KANSL1: variants seen among roughly 807,000 people sequenced by gnomAD.
KANSL1 encodes MLL1/MLL complex subunit KANSL1.
Under a neutral mutation model 103.6 loss-of-function variants are expected in KANSL1, and 22 were observed. That is an observed-to-expected ratio of 0.21 (90% confidence interval 0.15 to 0.30). The LOEUF (loss-of-function observed/expected upper bound fraction) is 0.30. Ranked by LOEUF, KANSL1 falls within the 10% of genes least tolerant of loss-of-function variation. KANSL1 has a pLI of 1.00. For synonymous variants in KANSL1, 600 were observed against 527.6 expected (o/e 1.14, Z -1.88); for missense variants, 1,337 against 1,399.8 (o/e 0.96, Z 0.72).
intron 10 of KANSL1, chr17:46,035,846 T>C (rs759762348): frequency 2.7e-5 from 4 of 147,440 alleles, no homozygotes; most frequent in Non-Finnish European, 6.2e-5. Context: ...GGTTGTGGGA[T>C]GGTTCAACGG....
intron 2 of KANSL1, among the ~76,000 whole-genome samples, chr17:46,135,893 C>G (rs1288314015): frequency 6.6e-6 from 1 of 152,016 alleles, no homozygotes; most frequent in Non-Finnish European, 1.5e-5. Context: ...GTAGAGCAAA[C>G]TAGGCTCTAT....
upstream of KANSL1, among the ~76,000 whole-genome samples, chr17:46,195,344 A>G (rs969266087): frequency 9.2e-5 from 14 of 152,270 alleles, no homozygotes; most frequent in African/African-American, 3.4e-4. Context: ...CAACCAAATA[A>G]GCAAGATTAT....
chr17:46,076,495 C>CAA (rs36086421), intron 4 of KANSL1, among the ~76,000 whole-genome samples: 50 of 79,484 alleles, frequency 6.3e-4, no homozygotes, highest in Non-Finnish European at 8.1e-4. Flanking sequence ...GACTTCATCT[C>CAA]AAAAAAAAAA....
intron 14 of KANSL1, 59 bp downstream of exon 14, chr17:46,031,988 C>T (rs2146304656): frequency 1.2e-6 from 2 of 1,610,142 alleles, no homozygotes; most frequent in Non-Finnish European, 8.5e-7. Context: ...GCAGATGCTG[C>T]CCCTTCCTGG....
intron 2 of KANSL1, among the ~76,000 whole-genome samples, chr17:46,146,262 G>A (rs1291383187): frequency 2.0e-5 from 3 of 152,100 alleles, no homozygotes; most frequent in African/African-American, 7.2e-5. Context: ...GAACTTTCAC[G>A]CACTCATTTG....
chr17:46,104,250 T>A (rs979342575), intron 2 of KANSL1, among the ~76,000 whole-genome samples: 26 of 152,240 alleles, frequency 1.7e-4, no homozygotes, highest in African/African-American at 6.0e-4. Context: ...ATACATATTA[T>A]ATACTCTGCC....
chr17:46,033,522 A>T lies in KANSL1; in HGVS notation c.2667-62T>A, dbSNP rs77009866. The T allele has an allele frequency of 0.18, 253,101 of 1,376,574 alleles. 26,844 individuals carry two copies. The highest frequency in any genetic ancestry group is 0.22 in the Non-Finnish European group (212,606 of 964,534). The allele number at this position is 1,376,574 out of a possible 1,614,324, so 85.3% of individuals were successfully genotyped here. ...GCAGGCTAAAACTGGGGGCAGGGTCAAAGTGTCCATGCAAGGATGAGAATC... is the reference window on the plus strand; with the variant it reads ...GCAGGCTAAAACTGGGGGCAGGGTCTAAGTGTCCATGCAAGGATGAGAATC... On this transcript the variant is annotated intron_variant, in intron 11 of 14. Coordinates refer to ENST00000432791, the MANE Select transcript of KANSL1 (RefSeq NM_015443.4).
chr17:46,084,697 T>TAAAAAAAAAAAAAAAAAA (rs67108405), intron 3 of KANSL1, among the ~76,000 whole-genome samples: 8 of 74,486 alleles, frequency 1.1e-4, no homozygotes, highest in African/African-American at 4.5e-4. Flanking sequence ...TTTTAAAAAT[T>TAAAAAAAAAAAAAAAAAA]AAAAAAAAAA....
intron 10 of KANSL1, 117 bp from the exon 11 acceptor site, chr17:46,034,402 CTGA>C: frequency 8.8e-7 from 1 of 1,132,260 alleles, no homozygotes; most frequent in Non-Finnish European, 1.3e-6. Flanking sequence ...TGGGTTGAAG[CTGA>C]GTAATGACCA....
intron 3 of KANSL1, among the ~76,000 whole-genome samples, chr17:46,086,312 C>T (rs973087420): frequency 6.6e-6 from 1 of 152,132 alleles, no homozygotes; most frequent in African/African-American, 2.4e-5. Flanking sequence ...ACCATCTATT[C>T]ATCGACATAA....
At chr17:46,064,179 G>A (rs1012095671) in intron 6 of KANSL1, among the ~76,000 whole-genome samples, 1 of 151,844 alleles carries the variant, frequency 6.6e-6, no homozygotes. Flanking sequence ...GGAATAGACA[G>A]GAAGAAATGG....
intron 1 of KANSL1, among the ~76,000 whole-genome samples, chr17:46,184,196 G>T (rs1479343239): frequency 6.6e-6 from 1 of 152,190 alleles, no homozygotes; most frequent in Non-Finnish European, 1.5e-5. Context: ...CACCTGAAGG[G>T]GTCAAGGAAG....
At chr17:46,118,772 G>A (rs989807435) in intron 2 of KANSL1, among the ~76,000 whole-genome samples, 3 of 152,150 alleles carry the variant, frequency 2.0e-5, no homozygotes, top group African/African-American at 2.4e-5. Context: ...AAAAGCCGAC[G>A]GATAAACAAC....
intron 3 of KANSL1, among the ~76,000 whole-genome samples, chr17:46,092,624 T>G (rs964952707): frequency 1.3e-5 from 2 of 150,968 alleles, no homozygotes; most frequent in Non-Finnish European, 1.5e-5. Flanking sequence ...GTAACATGAC[T>G]GTATTTGAAC....
chr17:46,168,026 G>A (rs1205945582), intron 2 of KANSL1, among the ~76,000 whole-genome samples: 2 of 152,176 alleles, frequency 1.3e-5, no homozygotes, highest in East Asian at 3.8e-4. Context: ...ACTCTATCTT[G>A]GGCAAAAGAG....
chr17:46,113,405 A>G (rs1190126740), intron 2 of KANSL1, among the ~76,000 whole-genome samples: 1 of 152,270 alleles, frequency 6.6e-6, no homozygotes, highest in Non-Finnish European at 1.5e-5. Flanking sequence ...ATGACCCAGC[A>G]TTTAAAAAAT....
At chr17:46,100,240 T>C (rs1220781324) in intron 2 of KANSL1, among the ~76,000 whole-genome samples, 1 of 152,106 alleles carries the variant, frequency 6.6e-6, no homozygotes, top group East Asian at 1.9e-4. Context: ...AGACTTCTCA[T>C]TGGTGAAATC....
chr17:46,174,847 G>T (rs2046445599), intron 1 of KANSL1, among the ~76,000 whole-genome samples: 1 of 152,106 alleles, frequency 6.6e-6, no homozygotes, highest in Non-Finnish European at 1.5e-5. Context: ...CTAATTTTTT[G>T]AATTTTTGTA....
At chr17:46,220,225 T>TC (rs1255432390) in intron 1 of KANSL1, among the ~76,000 whole-genome samples, 2 of 152,170 alleles carry the variant, frequency 1.3e-5, no homozygotes, top group Non-Finnish European at 2.9e-5. Flanking sequence ...TAAAATTTTT[T>TC]TTTTTTTTTG....
Sources: gnomAD v4.1 joint callset for allele counts (sites outside exome capture counted in the v4.1 genomes callset) on GRCh38, gnomAD v4.1.1 for gene constraint, MANE v1.5 for transcripts, NCBI Gene and HGNC (gene_info 2026-07-23, HGNC 2026-07-21) for gene names.